AFF2: variants seen among roughly 807,000 people sequenced by gnomAD.
The protein encoded by AFF2 is AF4/FMR2 family member 2.
AFF2 carries 14 observed loss-of-function variants against 76.9 expected under a neutral mutation model. The ratio of observed to expected loss-of-function variants is 0.18; its 90% CI spans 0.12 to 0.28. The LOEUF (loss-of-function observed/expected upper bound fraction) is 0.28. Among genes scored for constraint, AFF2 ranks in the 10% least tolerant of loss-of-function variants. The probability of loss-of-function intolerance (pLI) is 1.00; values close to 1 mark genes in which losing one functional copy is unlikely to be tolerated. For missense variants in AFF2, 868 were observed against 1,001.1 expected (o/e 0.87, Z 1.79); for synonymous variants, 398 against 366.7 (o/e 1.09, Z -0.98).
intron 3 of AFF2, among the ~76,000 whole-genome samples, chrX:148,765,838 A>G (rs1292316760): frequency 1.1e-5 from 1 of 93,006 alleles, no homozygotes; most frequent in Non-Finnish European, 2.2e-5. Context: ...ATATCTCCCA[A>G]TGCTATCCCT....
At chrX:148,561,210 T>G (rs1214861330) in intron 1 of AFF2, among the ~76,000 whole-genome samples, 1 of 112,348 alleles carries the variant, frequency 8.9e-6, no homozygotes, top group Non-Finnish European at 1.9e-5. Flanking sequence ...ATTTGAGATT[T>G]CTTTTAGCAT....
chrX:148,823,187 A>C (rs1444498684), intron 4 of AFF2, among the ~76,000 whole-genome samples: 6 of 111,684 alleles, frequency 5.4e-5, no homozygotes, highest in African/African-American at 2.0e-4. Context: ...AGTGGAGACC[A>C]TGCAGCATCG....
chrX:148,967,545 T>A, intron 14 of AFF2, 84 bp from the exon 15 acceptor site: 1 of 913,531 alleles, frequency 1.1e-6, no homozygotes, highest in South Asian at 2.2e-5. Flanking sequence ...GGAATAAATT[T>A]ATAGCAGAAA....
intron 1 of AFF2, among the ~76,000 whole-genome samples, chrX:148,623,608 T>C (rs1376802498): frequency 9.7e-6 from 1 of 103,518 alleles, no homozygotes; most frequent in East Asian, 2.9e-4. Flanking sequence ...TGAATATATA[T>C]ATATATATAT....
intron 9 of AFF2, among the ~76,000 whole-genome samples, chrX:148,952,679 T>C (rs782711401): frequency 4.5e-5 from 5 of 112,127 alleles, no homozygotes; most frequent in African/African-American, 1.6e-4. Flanking sequence ...ACGATCGGTA[T>C]GGAGGAGTAT....
Position 148,669,205 on chromosome X carries a change from G to T in AFF2, c.1041+6437G>T, listed in dbSNP as rs1018348692. 8.1e-5 allele frequency among the ~76,000 whole-genome samples: 9 copies of T among 111,722 alleles called. 3 individuals carry two copies. Among genetic ancestry groups the T allele is most frequent in the Admixed American group, 7.6e-4 (8 of 10,556 alleles). On this transcript the variant is annotated intron_variant, in intron 3 of 20. Coordinates refer to ENST00000370460, the MANE Select transcript of AFF2 (RefSeq NM_002025.4). Reference sequence around the variant, plus strand: ...AGACCACCTCACCCTGGATTTCATTGTCCATATCATTATCAGCATTTTGGT... The same window carrying T: ...AGACCACCTCACCCTGGATTTCATTTTCCATATCATTATCAGCATTTTGGT...
chrX:148,567,059 G>A (rs1287096916), intron 1 of AFF2, among the ~76,000 whole-genome samples: 2 of 111,678 alleles, frequency 1.8e-5, no homozygotes, highest in Admixed American at 9.5e-5. Flanking sequence ...CCTTACCTGC[G>A]GTGCTTAACC....
chrX:148,557,682 C>T (rs1471946562), intron 1 of AFF2, among the ~76,000 whole-genome samples: 1 of 112,333 alleles, frequency 8.9e-6, no homozygotes, highest in East Asian at 2.8e-4. Flanking sequence ...TTGGGGGAGA[C>T]ATTCAAACTA....
At chrX:148,790,600 A>G (rs782743071) in intron 3 of AFF2, among the ~76,000 whole-genome samples, 25 of 109,025 alleles carry the variant, frequency 2.3e-4, no homozygotes, top group Admixed American at 3.9e-4. Flanking sequence ...AGAAAACCAA[A>G]CACTGCATGT....
intron 1 of AFF2, among the ~76,000 whole-genome samples, chrX:148,510,993 C>T (rs2052476724): frequency 8.9e-6 from 1 of 111,746 alleles, no homozygotes; most frequent in Non-Finnish European, 1.9e-5. Context: ...TGTTGCCTTG[C>T]CTTCTGTACA....
intron 3 of AFF2, among the ~76,000 whole-genome samples, chrX:148,728,634 C>T (rs1408494515): frequency 1.8e-5 from 2 of 112,385 alleles, no homozygotes; most frequent in East Asian, 2.8e-4. Flanking sequence ...AAAAATGCTG[C>T]AGTCATGTTA....
At chrX:148,693,511 C>A (rs1557260959) in intron 3 of AFF2, among the ~76,000 whole-genome samples, 2 of 111,990 alleles carry the variant, frequency 1.8e-5, no homozygotes, top group Admixed American at 1.9e-4. Context: ...GATGGTGGTA[C>A]ATTTAATAGA....
intron 9 of AFF2, among the ~76,000 whole-genome samples, chrX:148,950,450 C>T (rs1171751403): frequency 4.5e-5 from 5 of 111,933 alleles, no homozygotes; most frequent in African/African-American, 9.7e-5. Flanking sequence ...TGCAACTTCC[C>T]GGAGAAAGCA....
intron 8 of AFF2, among the ~76,000 whole-genome samples, chrX:148,893,065 G>A (rs782638967): frequency 1.2e-4 from 14 of 112,046 alleles, no homozygotes; most frequent in Non-Finnish European, 2.6e-4. Context: ...CAGAATGATA[G>A]CATTTGGGCC....
At chrX:148,845,099 T>A (rs2070649093) in intron 7 of AFF2, among the ~76,000 whole-genome samples, 1 of 87,785 alleles carries the variant, frequency 1.1e-5, no homozygotes, top group Non-Finnish European at 2.3e-5. Context: ...AAAAAGTCAA[T>A]AAGATTCACA....
At chrX:148,502,583 T>C (rs2052365402) in intron 1 of AFF2, among the ~76,000 whole-genome samples, 1 of 112,819 alleles carries the variant, frequency 8.9e-6, no homozygotes. Context: ...CATTAAAAAA[T>C]GCTGTTATTT....
chrX:148,714,386 A>G (rs782731137), intron 3 of AFF2, among the ~76,000 whole-genome samples: 2 of 111,729 alleles, frequency 1.8e-5, no homozygotes, highest in Non-Finnish European at 3.8e-5. Context: ...TCCATCTCAG[A>G]CTAATATTTG....
At chrX:148,902,124 G>T (rs2071361543) in intron 8 of AFF2, among the ~76,000 whole-genome samples, 1 of 112,127 alleles carries the variant, frequency 8.9e-6, no homozygotes, top group Non-Finnish European at 1.9e-5. Flanking sequence ...CTCCTGATCA[G>T]AGAAAAATAA....
chrX:148,577,039 A>T (rs1383146957), intron 1 of AFF2, among the ~76,000 whole-genome samples: 1 of 111,769 alleles, frequency 8.9e-6, no homozygotes, highest in Admixed American at 9.5e-5. Flanking sequence ...ACAATAAAAT[A>T]GCATAGACCA....
Sources: allele counts gnomAD v4.1 joint callset (sites outside exome capture counted in the v4.1 genomes callset), GRCh38; gene constraint gnomAD v4.1.1; transcripts MANE v1.5; gene names NCBI Gene and HGNC (gene_info 2026-07-23, HGNC 2026-07-21).